PCDHGC5: variants seen among roughly 807,000 people sequenced by gnomAD.
PCDHGC5 encodes protocadherin gamma-C5.
In PCDHGC5, 25 loss-of-function variants were observed where a neutral mutation model predicts 59.0. The observed-to-expected ratio is 0.42, with a 90% CI of 0.31 to 0.59. PCDHGC5 has a LOEUF of 0.59. Ranked by LOEUF, PCDHGC5 falls within the 20% of genes least tolerant of loss-of-function variation. PCDHGC5 has a pLI of 0.13. For missense variants in PCDHGC5, 1,067 were observed against 1,206.4 expected, an observed-to-expected ratio of 0.88 and a Z score of 1.71; for synonymous variants, 434 against 505.5, an observed-to-expected ratio of 0.86 and a Z score of 1.90.
Position 141,511,250 on chromosome 5 carries a change from CAG to C in PCDHGC5, c.*80_*81del. 2 of 1,571,674 alleles carry C rather than the reference CAG, an allele frequency of 1.3e-6. No homozygotes were observed. Among genetic ancestry groups the C allele is most frequent in the Non-Finnish European group, 1.7e-6 (2 of 1,158,794 alleles). On this transcript the variant is annotated 3_prime_UTR_variant, in exon 4 of 4. Transcript: ENST00000252087. ...CTTCTCCTTACCTGCACCCAGGCCT[CAG>C]AGTTTCAGGGCTAACCCCCAGAATA...
At chr5:141,494,181 C>T (rs2099752517) in intron 1 of PCDHGC5, among the ~76,000 whole-genome samples, 1 of 152,136 alleles carries the variant, frequency 6.6e-6, no homozygotes, top group Non-Finnish European at 1.5e-5. Flanking sequence ...GAGAAGTGTC[C>T]CGGGACTTGG....
At position 141,511,260 on chromosome 5, in the gene PCDHGC5, G is replaced by A; in HGVS notation, c.*87G>A. 6.4e-7 allele frequency: 1 copy of A among 1,558,596 alleles called. No individual in the cohort carries two copies. Among genetic ancestry groups the A allele is most frequent in the Non-Finnish European group, 8.7e-7 (1 of 1,151,758 alleles). On this transcript the variant is annotated 3_prime_UTR_variant, in exon 4 of 4. Transcript: ENST00000252087. ...CCTGCACCCAGGCCTCAGAGTTTCA[G>A]GGCTAACCCCCAGAATACTGGTAGG...
At position 141,511,271 on chromosome 5, in the gene PCDHGC5, C is replaced by T. The variant is rs371445452; in HGVS notation, c.*98C>T. ...GCCTCAGAGTTTCAGGGCTAACCCC[C>T]AGAATACTGGTAGGGGCCAAGGCCA... On this transcript the variant is annotated 3_prime_UTR_variant, in exon 4 of 4. Transcript: ENST00000252087. 9.1e-6 allele frequency: 14 copies of T among 1,544,094 alleles called. No individual in the cohort carries two copies. In the African/African-American group the frequency reaches 1.6e-4, roughly 18 times the overall value.
chr5:141,510,398 G>A (rs2099880972), intron 3 of PCDHGC5, among the ~76,000 whole-genome samples: 1 of 152,064 alleles, frequency 6.6e-6, no homozygotes, highest in African/African-American at 2.4e-5. Flanking sequence ...CTTGGCAAAG[G>A]CTAGGGGCAT....
intron 2 of PCDHGC5, among the ~76,000 whole-genome samples, chr5:141,500,184 T>TTTTTTTTATTTATTTA (rs1554186429): frequency 7.4e-6 from 1 of 135,886 alleles, no homozygotes; most frequent in African/African-American, 2.7e-5. Flanking sequence ...TCATTTTTAT[T>TTTTTTTTATTTATTTA]TTTATTTATT....
Position 141,490,920 on chromosome 5 carries a change from T to A in PCDHGC5, c.1680T>A (p.Asn560Lys). 1.2e-6 allele frequency: 2 copies of A among 1,613,638 alleles called. No homozygotes were observed. The highest frequency in any genetic ancestry group is 1.7e-6 in the Non-Finnish European group (2 of 1,179,684). The stretch of plus-strand genomic sequence containing the variant: ...TGTTTGTCCTAGACGAGAATGATAA[T>A]GCCCCAGCTGTGCTGCACCCACGGC... ...LHVFVLDEND[N>K]APAVLHPRPD... The change falls in exon 1 of 4, where the codon AAT (asparagine) becomes AAA (lysine). Residue 560 changes from asparagine (N) to lysine (K), a missense_variant. Asn to Lys is a moderately conservative substitution (Grantham distance 94, BLOSUM62 0). Coordinates refer to ENST00000252087, the MANE Select transcript of PCDHGC5 (RefSeq NM_018929.3). This position sits in a 1 kb window ranked among gnomAD's most constrained non-coding sequence, Gnocchi z 5.4.
chr5:141,496,163 A>T (rs1249396595), intron 2 of PCDHGC5, among the ~76,000 whole-genome samples: 2 of 150,100 alleles, frequency 1.3e-5, no homozygotes, highest in Non-Finnish European at 3.0e-5. Flanking sequence ...TCCACCAGAC[A>T]CCCTCCCATC....
In PCDHGC5 at chr5:141,490,745, C is replaced by T. The variant is rs769031787; in HGVS notation, c.1505C>T (p.Pro502Leu). 22 of 1,614,120 alleles carry T rather than the reference C, an allele frequency of 1.4e-5. No individual in the cohort carries two copies. Among genetic ancestry groups the T allele is most frequent in the Non-Finnish European group, 1.9e-5 (22 of 1,180,050 alleles). Residue 502 changes from proline (P) to leucine (L), a missense_variant, in exon 1 of 4, where the codon CCA becomes CTA. Physicochemically the swap from Pro to Leu is moderately conservative, Grantham distance 98 (BLOSUM62 -3). Transcript: ENST00000252087. The surrounding 1 kb of genome is among the most constrained non-coding windows in gnomAD (Gnocchi z 5.4). Reference sequence around the variant, plus strand: ...GTAGGAAATCAGGTTCAGGGAGCCCCAGCCTCCTCCTTTGTGTATGTCAAC... The same window carrying T: ...GTAGGAAATCAGGTTCAGGGAGCCCTAGCCTCCTCCTTTGTGTATGTCAAC... ...SIVGNQVQGA[P>L]ASSFVYVNPE...
intron 2 of PCDHGC5, among the ~76,000 whole-genome samples, chr5:141,496,903 A>G (rs990378360): frequency 1.1e-4 from 16 of 150,744 alleles, no homozygotes; most frequent in Non-Finnish European, 2.4e-4. Flanking sequence ...AAAAAAAAAA[A>G]GGCTGGGCAC....
At position 141,505,514 on chromosome 5, in the gene PCDHGC5, G is replaced by A. The variant is rs758026551; in HGVS notation, c.2608+33G>A. The A allele has an allele frequency of 1.2e-5, 20 of 1,613,682 alleles. No homozygotes were observed. The South Asian group carries it at 1.8e-4, about 14-fold the overall frequency. ...GTGTCAGTGTGTGTATGGAAGAGTGGGAGACCTGGGGTTCTGGGGTGCATC... is the reference window on the plus strand; with the variant it reads ...GTGTCAGTGTGTGTATGGAAGAGTGAGAGACCTGGGGTTCTGGGGTGCATC... On this transcript the variant is annotated intron_variant, in intron 3 of 3. Transcript: ENST00000252087.
chr5:141,500,175 CA>C (rs762724660), intron 2 of PCDHGC5, among the ~76,000 whole-genome samples: 15 of 147,258 alleles, frequency 1.0e-4, no homozygotes, highest in Non-Finnish European at 1.5e-4. Flanking sequence ...GCATGAGCTT[CA>C]TTTTTATTTT....
In PCDHGC5 at chr5:141,511,259, A is replaced by G; in HGVS notation, c.*86A>G. On this transcript the variant is annotated 3_prime_UTR_variant, in exon 4 of 4. Transcript: ENST00000252087. ...ACCTGCACCCAGGCCTCAGAGTTTCAGGGCTAACCCCCAGAATACTGGTAG... is the reference window on the plus strand; with the variant it reads ...ACCTGCACCCAGGCCTCAGAGTTTCGGGGCTAACCCCCAGAATACTGGTAG... 1.3e-6 allele frequency: 2 copies of G among 1,559,840 alleles called. No individual in the cohort carries two copies. The highest frequency in any genetic ancestry group is 1.7e-6 in the Non-Finnish European group (2 of 1,152,466).
Position 141,511,126 on chromosome 5 carries a change from G to A in PCDHGC5, c.2788G>A (p.Gly930Ser). The A allele has an allele frequency of 1.9e-6, 3 of 1,614,212 alleles. No individual in the cohort carries two copies. The highest frequency in any genetic ancestry group is 2.2e-5 in the South Asian group (2 of 91,086). The change falls in exon 4 of 4, where the codon GGT becomes AGT. Residue 930 changes from glycine to serine, a missense_variant. Coordinates refer to ENST00000252087, the MANE Select transcript of PCDHGC5 (RefSeq NM_018929.3). ...AGKRDGKAPA[G>S]GNGNKKKSGK... ...CAAGCGGGATGGCAAGGCCCCAGCA[G>A]GTGGCAATGGCAACAAGAAGAAGTC...
intron 2 of PCDHGC5, 99 bp downstream of exon 2, chr5:141,494,964 G>A (rs2099757882): frequency 1.3e-6 from 2 of 1,594,380 alleles, no homozygotes; most frequent in Non-Finnish European, 8.5e-7. Context: ...GCTACAGATG[G>A]CTTCTCCCTC....
At chr5:141,494,569 T>G (rs1341706026) in intron 1 of PCDHGC5, among the ~76,000 whole-genome samples, 2 of 152,190 alleles carry the variant, frequency 1.3e-5, no homozygotes, top group Non-Finnish European at 2.9e-5. Flanking sequence ...GAAAGGAGTC[T>G]CAGCTTGCTC....
intron 3 of PCDHGC5, 118 bp downstream of exon 3, chr5:141,505,599 G>A (rs936757644): frequency 1.5e-5 from 23 of 1,555,468 alleles, no homozygotes; most frequent in South Asian, 2.4e-5. Flanking sequence ...CAGATCTTTC[G>A]GCAGGTCTGA....
intron 2 of PCDHGC5, among the ~76,000 whole-genome samples, chr5:141,499,940 G>A (rs1158937971): frequency 4.0e-5 from 6 of 151,722 alleles, no homozygotes; most frequent in Non-Finnish European, 8.8e-5. Flanking sequence ...CACCCTCCTC[G>A]GCCTCCCAAA....
In PCDHGC5 at chr5:141,495,640, G is replaced by A. The variant is rs149177775; in HGVS notation, c.2519+775G>A. 1.2e-3 allele frequency among the ~76,000 whole-genome samples: 177 copies of A among 152,150 alleles called. 1 individual carries two copies. The highest frequency in any genetic ancestry group is 4.1e-3 in the African/African-American group (171 of 41,498). ...ACCTCAGCCTCAGTCCCTTTCATTT[G>A]TCTACTTGCATTGATCTGTGCCGCC... On this transcript the variant is annotated intron_variant, in intron 2 of 3. Transcript: ENST00000252087.
In PCDHGC5 at chr5:141,512,470, T is replaced by G. The variant is rs2099884244; in HGVS notation, c.*1297T>G. On this transcript the variant is annotated 3_prime_UTR_variant, in exon 4 of 4. Transcript: ENST00000252087. ...TTCACCTTGCCAGGTGCCGTTTCTC[T>G]TCCGTGAAGGCCACTGCCCAGGTCC... 6.5e-6 allele frequency: 1 copy of G among 152,892 alleles called. No individual in the cohort carries two copies. The highest frequency in any genetic ancestry group is 2.1e-4 in the South Asian group (1 of 4,834). 9.5% of individuals were successfully genotyped at this position (152,892 alleles called of 1,614,324 possible).
Sources: gnomAD v4.1 joint callset for allele counts (sites outside exome capture counted in the v4.1 genomes callset) on GRCh38, gnomAD v4.1.1 for gene constraint, Gnocchi (gnomAD v3.1) non-coding constraint, MANE v1.5 for transcripts, NCBI Gene and HGNC (gene_info 2026-07-23, HGNC 2026-07-21) for gene names.